CAMTA1: variants seen among roughly 807,000 people sequenced by gnomAD.
The protein encoded by CAMTA1 is calmodulin-binding transcription activator 1.
A neutral mutation model predicts 170.9 loss-of-function variants in CAMTA1; 27 were observed. That is an observed-to-expected ratio of 0.16 (90% CI 0.12 to 0.22). The LOEUF (loss-of-function observed/expected upper bound fraction) is 0.22. Among genes scored for constraint, CAMTA1 ranks in the 10% least tolerant of loss-of-function variants. The pLI, the probability that CAMTA1 is intolerant of heterozygous loss-of-function variation, is 1.00. For synonymous variants in CAMTA1, 833 were observed against 891.5 expected, an observed-to-expected ratio of 0.93 and a Z score of 1.17; for missense variants, 1,619 against 2,217.2, an observed-to-expected ratio of 0.73 and a Z score of 5.42.
rs544114592 is a variant in CAMTA1 at position 6,916,412 on chromosome 1, T to C, written c.234+91202T>C. Among the ~76,000 whole-genome samples the C allele has an allele frequency of 9.9e-5, 15 of 152,070 alleles. No homozygotes were observed. In the East Asian group the frequency reaches 2.9e-3, roughly 29 times the overall value. ...GCCCGCCCCACCTCTGAATGACAAC[T>C]GCTTTCCGAGTTTCTGCAGGGAAAC... is the stretch of plus-strand genomic sequence containing the variant. On this transcript the variant is annotated intron_variant, in intron 3 of 22. Coordinates refer to ENST00000303635, the MANE Select transcript of CAMTA1 (RefSeq NM_015215.4).
chr1:7,245,806 G>A (rs1175672074), intron 4 of CAMTA1, among the ~76,000 whole-genome samples: 1 of 152,128 alleles, frequency 6.6e-6, no homozygotes, highest in Non-Finnish European at 1.5e-5. Context: ...AGACTTGAGT[G>A]TGAACAGTTT....
In CAMTA1 at chr1:7,228,887, C is replaced by A. The variant is rs558100515; in HGVS notation, c.303-20604C>A. On this transcript the variant is annotated intron_variant, in intron 4 of 22. Coordinates refer to ENST00000303635, the MANE Select transcript of CAMTA1 (RefSeq NM_015215.4). ...GCTGTGACACCAAGGCCTTAGGGCA[C>A]ATTGTGCTGCTGGAGGGGGATGGGT... Among the ~76,000 whole-genome samples, 16 of 152,198 alleles carry A rather than the reference C, an allele frequency of 1.1e-4. No homozygotes were observed. The South Asian group carries it at 3.3e-3, about 32-fold the overall frequency.
chr1:7,556,405 G>A (rs913100270), intron 6 of CAMTA1, among the ~76,000 whole-genome samples: 4 of 152,334 alleles, frequency 2.6e-5, no homozygotes, highest in African/African-American at 7.2e-5. Flanking sequence ...CAGAAATACA[G>A]AAAATAAAAT....
At chr1:6,968,215 G>T (rs1320221070) in intron 3 of CAMTA1, among the ~76,000 whole-genome samples, 1 of 152,146 alleles carries the variant, frequency 6.6e-6, no homozygotes, top group Non-Finnish European at 1.5e-5. Context: ...TCTTAATGTG[G>T]CCCCGGGTGT....
At position 7,547,919 on chromosome 1, in the gene CAMTA1, T is replaced by G. The variant is rs1435010608; in HGVS notation, c.510+80018T>G. ...ACCCGTCAATATGCCCTTATGCTGTTGTAAGGAGGATTCTGAAGCCATCTC... is the reference window on the plus strand; with the variant it reads ...ACCCGTCAATATGCCCTTATGCTGTGGTAAGGAGGATTCTGAAGCCATCTC... On this transcript the variant is annotated intron_variant, in intron 6 of 22. Coordinates refer to ENST00000303635, the MANE Select transcript of CAMTA1 (RefSeq NM_015215.4). The surrounding 1 kb of genome is among the most constrained non-coding windows in gnomAD (Gnocchi z 5.7). Among the ~76,000 whole-genome samples the G allele has an allele frequency of 6.6e-6, 1 of 152,054 alleles. No individual in the cohort carries two copies. The highest frequency in any genetic ancestry group is 2.4e-5 in the African/African-American group (1 of 41,398).
At chr1:6,925,576 C>T (rs1361177046) in intron 3 of CAMTA1, among the ~76,000 whole-genome samples, 2 of 152,030 alleles carry the variant, frequency 1.3e-5, no homozygotes, top group African/African-American at 4.8e-5. Context: ...GGAGTGCGTC[C>T]CTGTAGCCTG....
intron 6 of CAMTA1, among the ~76,000 whole-genome samples, chr1:7,475,773 T>G (rs1483603551): frequency 6.6e-6 from 1 of 152,190 alleles, no homozygotes; most frequent in African/African-American, 2.4e-5. Context: ...TCCCAGTGTT[T>G]CATAGAAGAA....
At chr1:7,450,827 C>T (rs769226690) in intron 5 of CAMTA1, among the ~76,000 whole-genome samples, 7 of 152,264 alleles carry the variant, frequency 4.6e-5, no homozygotes, top group Non-Finnish European at 8.8e-5. Flanking sequence ...AATGCAGGAC[C>T]GAGGGTGAGA....
chr1:7,487,668 G>T (rs1225355797), intron 6 of CAMTA1, among the ~76,000 whole-genome samples: 1 of 152,192 alleles, frequency 6.6e-6, no homozygotes. Flanking sequence ...CCCGCACAGG[G>T]CCTGGCTTAC....
chr1:7,081,362 A>G (rs1006181283), intron 3 of CAMTA1, among the ~76,000 whole-genome samples: 6 of 152,254 alleles, frequency 3.9e-5, no homozygotes, highest in African/African-American at 1.2e-4. Context: ...TACAGGGTCC[A>G]GCTTCAGTAT....
intron 7 of CAMTA1, among the ~76,000 whole-genome samples, chr1:7,646,482 C>G (rs1269673637): frequency 3.6e-5 from 5 of 137,246 alleles, no homozygotes; most frequent in African/African-American, 1.1e-4. Flanking sequence ...AGGGTGGAGG[C>G]CATGGTGACT....
chr1:7,760,042 C>T (rs1008101394), intron 22 of CAMTA1, among the ~76,000 whole-genome samples: 7 of 152,140 alleles, frequency 4.6e-5, no homozygotes, highest in Non-Finnish European at 1.0e-4. Flanking sequence ...TTATTAAAAG[C>T]AGTGGGAATG....
chr1:7,246,835 T>C (rs756125817), intron 4 of CAMTA1, among the ~76,000 whole-genome samples: 8 of 151,904 alleles, frequency 5.3e-5, no homozygotes, highest in African/African-American at 7.3e-5. Flanking sequence ...CCAGGCTAAT[T>C]TTTTGTATTT....
rs185201240 is a variant in CAMTA1 at position 7,094,135 on chromosome 1, C to A, written c.302+2764C>A. On this transcript the variant is annotated intron_variant, in intron 4 of 22. Transcript: ENST00000303635. ...GCAGAGGGTGAAGACGGAAGGTTTC[C>A]TATTAGTATTATAATATCCACTCCA... Among the ~76,000 whole-genome samples the A allele has an allele frequency of 6.0e-3, 909 of 152,280 alleles. 1 individual carries two copies. The highest frequency in any genetic ancestry group is 0.01 in the Middle Eastern group (3 of 294).
intron 3 of CAMTA1, among the ~76,000 whole-genome samples, chr1:7,037,916 TA>T (rs1367081844): frequency 4.3e-5 from 5 of 115,960 alleles, no homozygotes; most frequent in Non-Finnish European, 9.4e-5. Context: ...GTTTGATCTT[TA>T]TTTTTTTTTT....
In CAMTA1 at chr1:7,497,640, T is replaced by G. The variant is rs117183787; in HGVS notation, c.510+29739T>G. 1.6e-3 allele frequency among the ~76,000 whole-genome samples: 239 copies of G among 152,350 alleles called. 1 individual carries two copies. In the East Asian group the frequency reaches 0.027, roughly 17 times the overall value. ...TTTGTGCTTCTTGTACTCTCATGAA[T>G]GCTACCACTTTCATTTTTCACTGCA... On this transcript the variant is annotated intron_variant, in intron 6 of 22. Transcript: ENST00000303635.
At chr1:7,414,695 T>G (rs1170391479) in intron 5 of CAMTA1, among the ~76,000 whole-genome samples, 1 of 152,168 alleles carries the variant, frequency 6.6e-6, no homozygotes, top group Non-Finnish European at 1.5e-5. Flanking sequence ...TTTGTTGATC[T>G]TTTAAAAAAA....
intron 3 of CAMTA1, among the ~76,000 whole-genome samples, chr1:6,992,465 C>T (rs77988578): frequency 0.013 from 1,944 of 152,320 alleles, 22 homozygotes; most frequent in Middle Eastern, 0.02. Flanking sequence ...CCTATGTTTT[C>T]TTCTAGAAGC....
intron 3 of CAMTA1, among the ~76,000 whole-genome samples, chr1:7,048,272 G>A (rs1705730581): frequency 6.6e-6 from 1 of 152,216 alleles, no homozygotes; most frequent in Non-Finnish European, 1.5e-5. Flanking sequence ...AGGAGAAATT[G>A]TAGAGCGTGG....
Sources: allele counts gnomAD v4.1 joint callset (sites outside exome capture counted in the v4.1 genomes callset), GRCh38; gene constraint gnomAD v4.1.1; non-coding constraint Gnocchi (gnomAD v3.1); transcripts MANE v1.5; gene names NCBI Gene and HGNC (gene_info 2026-07-23, HGNC 2026-07-21).